NRXN2: variants seen among roughly 807,000 people sequenced by gnomAD.
NRXN2 encodes neurexin-2-beta.
A neutral mutation model predicts 128.8 loss-of-function variants in NRXN2; 29 were observed. The ratio of observed to expected loss-of-function variants is 0.23; its 90% CI spans 0.17 to 0.31. NRXN2 has a LOEUF of 0.31. NRXN2 is among the 10% of genes least tolerant of loss of function. The pLI, the probability that NRXN2 is intolerant of heterozygous loss-of-function variation, is 1.00. For missense variants in NRXN2, 1,881 were observed against 2,452.6 expected (o/e 0.77, Z 4.92); for synonymous variants, 1,098 against 1,075.2 (o/e 1.02, Z -0.41).
chr11:64,608,191 T>C (rs1051764104), intron 22 of NRXN2, 109 bp from the exon 23 acceptor site: 15 of 873,350 alleles, frequency 1.7e-5, no homozygotes, highest in African/African-American at 3.3e-5. Context: ...TCGGTTCCAA[T>C]TGGCTTTGGC....
chr11:64,651,527 C>G lies in NRXN2; in HGVS notation c.2646G>C (p.Leu882=), dbSNP rs146617701. The change falls in exon 14 of 23, where the codon CTG becomes CTC. Residue 882 remains leucine (L), a synonymous_variant. Coordinates refer to ENST00000265459, the MANE Select transcript of NRXN2 (RefSeq NM_015080.4). The surrounding 1 kb of genome is among the most constrained non-coding windows in gnomAD (Gnocchi z 5.9). ...GCTGGCCATTGAACACGAGCCCACT[C>G]AGATGCCCGATGAAGTTGGAGGGCA... ...SVVPSNFIGH[L]SGLVFNGQPY... 2.1e-4 allele frequency: 333 copies of G among 1,614,166 alleles called. No individual in the cohort carries two copies. The highest frequency in any genetic ancestry group is 2.7e-4 in the Non-Finnish European group (318 of 1,180,018).
intron 7 of NRXN2, chr11:64,676,687 G>C: frequency 2.0e-6 from 1 of 500,948 alleles, no homozygotes; most frequent in Non-Finnish European, 3.6e-6. Flanking sequence ...ATGAACATGG[G>C]GCCTGCCCCC....
intron 22 of NRXN2, among the ~76,000 whole-genome samples, chr11:64,609,788 C>A (rs2040332887): frequency 6.6e-6 from 1 of 152,144 alleles, no homozygotes; most frequent in East Asian, 1.9e-4. Flanking sequence ...CTGGCTCTCT[C>A]TTCAGCACAG....
At chr11:64,685,490 C>T (rs1335564847) in intron 6 of NRXN2, among the ~76,000 whole-genome samples, 156 bp downstream of exon 6, 5 of 152,232 alleles carry the variant, frequency 3.3e-5, no homozygotes, top group African/African-American at 1.2e-4. Flanking sequence ...AGCCTTATGT[C>T]GGGACCCTCA....
At chr11:64,647,424 C>T (rs1212539) in intron 17 of NRXN2, among the ~76,000 whole-genome samples, 9,456 of 152,106 alleles carry the variant, frequency 0.062, 1,004 homozygotes, top group African/African-American at 0.22. Flanking sequence ...GTTGCCTCCC[C>T]GCCATTCCTG....
At position 64,651,429 on chromosome 11, in the gene NRXN2, A is replaced by G; in HGVS notation, c.2744T>C (p.Ile915Thr). 2 of 1,614,172 alleles carry G rather than the reference A, an allele frequency of 1.2e-6. No individual in the cohort carries two copies. Among genetic ancestry groups the G allele is most frequent in the South Asian group, 1.1e-5 (1 of 91,074 alleles). ...CTTGAAGGTGACGGGATCGGCCACG[A>G]TGGCACGCAGGCCAAAGCGAGCATT... ...ELNARFGLRA[I>T]VADPVTFKSR... The change falls in exon 14 of 23, where the codon ATC becomes ACC. Residue 915 changes from isoleucine to threonine, a missense_variant. Coordinates refer to ENST00000265459, the MANE Select transcript of NRXN2 (RefSeq NM_015080.4). The surrounding 1 kb of genome is among the most constrained non-coding windows in gnomAD (Gnocchi z 5.9).
intron 6 of NRXN2, 146 bp from the exon 7 acceptor site, chr11:64,677,183 T>C (rs2051455201): frequency 6.8e-6 from 4 of 589,624 alleles, no homozygotes; most frequent in Middle Eastern, 3.1e-4. Context: ...TATATATCCA[T>C]ATATATTTGG....
rs773230592 is a variant in NRXN2, at chr11:64,667,633, C to A, written c.1415G>T (p.Gly472Val). The A allele has an allele frequency of 6.2e-7, 1 of 1,614,228 alleles. No homozygotes were observed. Among genetic ancestry groups the A allele is most frequent in the Non-Finnish European group, 8.5e-7 (1 of 1,180,038 alleles). The change falls in exon 9 of 23, where the codon GGG becomes GTG. Residue 472 changes from glycine (G) to valine (V), a missense_variant. This residue lies in a region of NRXN2 where 997 missense variants were observed against 1,240.8 expected (regional missense o/e 0.80). Coordinates refer to ENST00000265459, the MANE Select transcript of NRXN2 (RefSeq NM_015080.4). The surrounding 1 kb of genome is among the most constrained non-coding windows in gnomAD (Gnocchi z 5.6). ...CCCCTGCAGCTTCATCTTGGGGTCC[C>A]CTTCCTTTGCCAGGCGGGATAGTTC... ...KLELSRLAKE[G>V]DPKMKLQGDL...
At chr11:64,677,162 C>T (rs1246354137) in intron 6 of NRXN2, 125 bp from the exon 7 acceptor site, 19 of 668,090 alleles carry the variant, frequency 2.8e-5, no homozygotes, top group Middle Eastern at 5.1e-4. Flanking sequence ...ACTCAAGGAA[C>T]GAGGAAAAAA....
At position 64,607,004 on chromosome 11, in the gene NRXN2, C is replaced by T; in HGVS notation, c.*192G>A. The stretch of plus-strand genomic sequence containing the variant: ...CAGTCAGCCCCGGGACTGACGAGGC[C>T]GCGCAGTGGACGGCAGGAGGAAGGG... On this transcript the variant is annotated 3_prime_UTR_variant, in exon 23 of 23. Transcript: ENST00000265459. 1 of 627,066 alleles carries T rather than the reference C, an allele frequency of 1.6e-6. No individual in the cohort carries two copies. The highest frequency in any genetic ancestry group is 2.7e-6 in the Non-Finnish European group (1 of 365,074). The allele number at this position is 627,066 out of a possible 1,614,324, so 38.8% of individuals were successfully genotyped here.
intron 8 of NRXN2, among the ~76,000 whole-genome samples, chr11:64,668,141 G>A (rs2050143030): frequency 6.6e-6 from 1 of 152,220 alleles, no homozygotes; most frequent in Non-Finnish European, 1.5e-5. Flanking sequence ...GAACCAATGA[G>A]TGGAAGAGTT....
At chr11:64,669,857 C>T (rs935336744) in intron 7 of NRXN2, among the ~76,000 whole-genome samples, 2 of 152,160 alleles carry the variant, frequency 1.3e-5, no homozygotes, top group Non-Finnish European at 2.9e-5. Flanking sequence ...TCAGGGTTAG[C>T]CCAACACTGT....
rs2044537953 is a variant in NRXN2, at chr11:64,635,304, G to A, written c.3552C>T (p.Ala1184=). The A allele has an allele frequency of 6.2e-7, 1 of 1,613,376 alleles. No individual in the cohort carries two copies. The highest frequency in any genetic ancestry group is 2.2e-5 in the East Asian group (1 of 44,884). Residue 1184 remains alanine (A), a synonymous_variant, in exon 18 of 23, where the codon GCC becomes GCT. Coordinates refer to ENST00000265459, the MANE Select transcript of NRXN2 (RefSeq NM_015080.4). The surrounding 1 kb of genome is among the most constrained non-coding windows in gnomAD (Gnocchi z 4.8). Reference sequence around the variant, plus strand: ...GCTGCAGGTAGTCTCCAAGGCCGGAGGCGCTGTCCACCCGCACCAGCACAG... The same window carrying A: ...GCTGCAGGTAGTCTCCAAGGCCGGAAGCGCTGTCCACCCGCACCAGCACAG... The part of the protein sequence containing the change: ...RSAVLVRVDS[A]SGLGDYLQLH...
chr11:64,667,667 A>G lies in NRXN2; in HGVS notation c.1381T>C (p.Phe461Leu), dbSNP rs144522211. Residue 461 changes from phenylalanine (F) to leucine (L), a missense_variant, in exon 9 of 23, where the codon TTC (phenylalanine) becomes CTC (leucine). By Grantham distance (22) the Phe-to-Leu change is conservative (BLOSUM62 0). Transcript: ENST00000265459. This position sits in a 1 kb window ranked among gnomAD's most constrained non-coding sequence, Gnocchi z 5.6. ...GCCAGGCGGGATAGTTCCAATTTGAAGTCATTGTTCTTATAGACCACCTGC... is the reference window on the plus strand; with the variant it reads ...GCCAGGCGGGATAGTTCCAATTTGAGGTCATTGTTCTTATAGACCACCTGC... ...LKDVVYKNND[F>L]KLELSRLAKE... 4.0e-5 allele frequency: 65 copies of G among 1,614,106 alleles called. No homozygotes were observed. The highest frequency in any genetic ancestry group is 1.6e-4 in the Middle Eastern group (1 of 6,062).
chr11:64,641,325 G>A (rs2045632100), intron 17 of NRXN2, among the ~76,000 whole-genome samples: 1 of 152,050 alleles, frequency 6.6e-6, no homozygotes, highest in Admixed American at 6.6e-5. Flanking sequence ...CCTCTGAAAG[G>A]TAATGACAAG....
At chr11:64,702,797 TA>T (rs1201426445) in intron 2 of NRXN2, among the ~76,000 whole-genome samples, 25 of 55,408 alleles carry the variant, frequency 4.5e-4, no homozygotes, top group African/African-American at 5.7e-4. Context: ...GAATGATCAA[TA>T]AAAAAAAAAA....
At chr11:64,688,769 G>A in intron 5 of NRXN2, 2 of 985,308 alleles carry the variant, frequency 2.0e-6, no homozygotes, top group Non-Finnish European at 1.2e-6. Context: ...AGTTGTTGTG[G>A]TCCTGCATTT....
rs533537366 is a variant in NRXN2 at position 64,642,953 on chromosome 11, A to G, written c.3403+5266T>C. 8.7e-3 allele frequency: 8,889 copies of G among 1,020,552 alleles called. 46 individuals carry two copies. Among genetic ancestry groups the G allele is most frequent in the Non-Finnish European group, 9.7e-3 (8,307 of 854,612 alleles). 63.2% of individuals were successfully genotyped at this position (1,020,552 alleles called of 1,614,324 possible). ...AACCAGGGCCCAAGCCTCGGTCCGG[A>G]GCCAACAAAATCAACTGGATCCCGC... On this transcript the variant is annotated intron_variant, in intron 17 of 22. Coordinates refer to ENST00000265459, the MANE Select transcript of NRXN2 (RefSeq NM_015080.4).
At chr11:64,615,873 T>C (rs1180904524) in intron 22 of NRXN2, among the ~76,000 whole-genome samples, 1 of 151,486 alleles carries the variant, frequency 6.6e-6, no homozygotes, top group Non-Finnish European at 1.5e-5. Flanking sequence ...TGTGTGTATG[T>C]GTATACCTCT....
Sources: gnomAD v4.1 joint callset for allele counts (sites outside exome capture counted in the v4.1 genomes callset) on GRCh38, gnomAD v4.1.1 for gene constraint, gnomAD v4.1.1 regional missense constraint, Gnocchi (gnomAD v3.1) non-coding constraint, MANE v1.5 for transcripts, NCBI Gene and HGNC (gene_info 2026-07-23, HGNC 2026-07-21) for gene names.